SGPL1: variants seen among roughly 807,000 people sequenced by gnomAD.
SGPL1 encodes the protein SP-lyase 1.
SGPL1 carries 37 observed loss-of-function variants against 68.9 expected under a neutral mutation model. The ratio of observed to expected loss-of-function variants is 0.54; its 90% CI spans 0.41 to 0.71. The LOEUF (loss-of-function observed/expected upper bound fraction) is 0.71, where lower values mean the gene tolerates loss of function less well. Ranked by LOEUF, SGPL1 falls within the 30% of genes least tolerant of loss-of-function variation. The probability of loss-of-function intolerance (pLI) is 0.00; values close to 1 mark genes in which losing one functional copy is unlikely to be tolerated. For missense variants in SGPL1, 551 were observed against 704.6 expected, an observed-to-expected ratio of 0.78 and a Z score of 2.47; for synonymous variants, 236 against 248.5, an observed-to-expected ratio of 0.95 and a Z score of 0.47.
intron 4 of SGPL1, 148 bp downstream of exon 4, chr10:70,851,358 G>A (rs766621717): frequency 2.1e-4 from 146 of 681,734 alleles, no homozygotes; most frequent in Non-Finnish European, 3.5e-4. Context: ...AGACATTTTT[G>A]GTGGTCACAG....
chr10:70,834,135 TAAAAG>T (rs1845588460), intron 2 of SGPL1, among the ~76,000 whole-genome samples: 2 of 152,094 alleles, frequency 1.3e-5, no homozygotes, highest in Non-Finnish European at 2.9e-5. Flanking sequence ...CATCTTTTAA[TAAAAG>T]AAAAGGATGG....
chr10:70,870,575 G>A (rs1160748901), intron 9 of SGPL1, among the ~76,000 whole-genome samples: 1 of 152,002 alleles, frequency 6.6e-6, no homozygotes, highest in Non-Finnish European at 1.5e-5. Flanking sequence ...CATTATGATA[G>A]TGATTATTTT....
intron 5 of SGPL1, among the ~76,000 whole-genome samples, chr10:70,856,918 T>C (rs1037967664): frequency 2.6e-5 from 4 of 152,244 alleles, no homozygotes; most frequent in Admixed American, 6.5e-5. Context: ...TCTTATATTC[T>C]ACTCAGGAAC....
At chr10:70,861,727 C>T (rs977015890) in intron 7 of SGPL1, among the ~76,000 whole-genome samples, 12 of 152,198 alleles carry the variant, frequency 7.9e-5, no homozygotes, top group South Asian at 2.1e-4. Flanking sequence ...TGGCGGGCCC[C>T]GCACTCGGAG....
chr10:70,859,430 C>G lies in SGPL1; in HGVS notation c.546C>G (p.Arg182=). The G allele has an allele frequency of 1.3e-6, 2 of 1,571,028 alleles. No homozygotes were observed. The highest frequency in any genetic ancestry group is 1.7e-6 in the Non-Finnish European group (2 of 1,158,838). ...ATCCAGATATCTTCCCAGGACTACG[C>G]AAGATAGAGGCAGAAATCGTGAGGA... ...PLHPDIFPGL[R]KIEAEIVRIA... is the part of the protein sequence containing the mutation. Residue 182 remains arginine, a synonymous_variant, in exon 7 of 15, where the codon CGC becomes CGG. Coordinates refer to ENST00000373202, the MANE Select transcript of SGPL1 (RefSeq NM_003901.4).
chr10:70,848,429 C>A (rs1323154384), intron 3 of SGPL1, among the ~76,000 whole-genome samples: 1 of 140,310 alleles, frequency 7.1e-6, no homozygotes, highest in Non-Finnish European at 1.5e-5. Flanking sequence ...ATGGCTCAAT[C>A]AAACTAACGT....
In SGPL1 at chr10:70,876,592, A is replaced by G. The variant is rs139032932; in HGVS notation, c.1497A>G (p.Gln499=). ...LLHARKRVAI[Q]FLKDIRESVT... is the part of the protein sequence containing the mutation. ...ACGCCCGGAAACGAGTAGCTATACA[A>G]TTCCTAAAGGACATTCGAGAATCTG... is the stretch of plus-strand genomic sequence containing the variant. The change falls in exon 14 of 15, where the codon CAA becomes CAG. Residue 499 remains glutamine, a synonymous_variant. Transcript: ENST00000373202. 6.9e-5 allele frequency: 111 copies of G among 1,613,196 alleles called. 2 individuals carry two copies. In the African/African-American group the frequency reaches 1.2e-3, roughly 17 times the overall value.
intron 9 of SGPL1, among the ~76,000 whole-genome samples, chr10:70,870,220 G>A (rs953125822): frequency 6.6e-6 from 1 of 151,982 alleles, no homozygotes; most frequent in Non-Finnish European, 1.5e-5. Flanking sequence ...ACCATGGCCC[G>A]GGCATGGTGG....
intron 8 of SGPL1, among the ~76,000 whole-genome samples, chr10:70,869,577 A>G (rs1846251825): frequency 6.6e-6 from 1 of 152,120 alleles, no homozygotes; most frequent in Admixed American, 6.5e-5. Context: ...CTATTGCCAG[A>G]ATGATTTCCT....
intron 11 of SGPL1, 89 bp downstream of exon 11, chr10:70,872,075 A>C (rs1846307903): frequency 7.7e-7 from 1 of 1,296,642 alleles, no homozygotes; most frequent in Non-Finnish European, 1.1e-6. Flanking sequence ...CAAAGTATAA[A>C]ATTAACTATA....
chr10:70,862,643 G>GT (rs999047220), intron 7 of SGPL1, among the ~76,000 whole-genome samples: 1 of 152,138 alleles, frequency 6.6e-6, no homozygotes, highest in Non-Finnish European at 1.5e-5. Flanking sequence ...CCTGAAGCCA[G>GT]TGAGACCACG....
In SGPL1 at chr10:70,880,264, A is replaced by G. The variant is rs1391671737; in HGVS notation, c.*2929A>G. On this transcript the variant is annotated 3_prime_UTR_variant, in exon 15 of 15. Coordinates refer to ENST00000373202, the MANE Select transcript of SGPL1 (RefSeq NM_003901.4). ...ACTGATACCAAGACCAATGAAAGAGACACAGTTAAGCAGCAATCCATCTCA... is the reference window on the plus strand; with the variant it reads ...ACTGATACCAAGACCAATGAAAGAGGCACAGTTAAGCAGCAATCCATCTCA... 2 of 152,220 alleles carry G rather than the reference A, an allele frequency of 1.3e-5. No individual in the cohort carries two copies. The highest frequency in any genetic ancestry group is 6.5e-5 in the Admixed American group (1 of 15,290). 9.4% of individuals were successfully genotyped at this position (152,220 alleles called of 1,614,324 possible).
intron 7 of SGPL1, among the ~76,000 whole-genome samples, chr10:70,859,899 C>T (rs1208866685): frequency 1.3e-5 from 2 of 152,192 alleles, no homozygotes; most frequent in African/African-American, 2.4e-5. Flanking sequence ...CTTTCCCTCC[C>T]TACCCGCTTC....
intron 7 of SGPL1, among the ~76,000 whole-genome samples, chr10:70,863,834 A>G (rs1846128200): frequency 6.6e-6 from 1 of 152,196 alleles, no homozygotes; most frequent in Non-Finnish European, 1.5e-5. Context: ...TGTACACTGT[A>G]GAGTGTGGTC....
At chr10:70,874,975 C>T (rs1846359737) in intron 12 of SGPL1, among the ~76,000 whole-genome samples, 1 of 152,110 alleles carries the variant, frequency 6.6e-6, no homozygotes, top group African/African-American at 2.4e-5. Context: ...CTGATAGGGC[C>T]ATTTATTAAG....
At chr10:70,854,974 C>T (rs911706455) in intron 5 of SGPL1, 119 bp downstream of exon 5, 1 of 813,098 alleles carries the variant, frequency 1.2e-6, no homozygotes, top group African/African-American at 1.8e-5. Context: ...TTAGGAGGGC[C>T]TACTCTCTGT....
At chr10:70,829,563 G>C (rs1845497339) in intron 2 of SGPL1, among the ~76,000 whole-genome samples, 1 of 152,118 alleles carries the variant, frequency 6.6e-6, no homozygotes, top group South Asian at 2.1e-4. Context: ...CCTGTGAGTG[G>C]ACGATGGTAT....
At position 70,871,098 on chromosome 10, in the gene SGPL1, C is replaced by T; in HGVS notation, c.861C>T (p.Thr287=). 7 of 1,614,006 alleles carry T rather than the reference C, an allele frequency of 4.3e-6. No homozygotes were observed. The highest frequency in any genetic ancestry group is 5.9e-6 in the Non-Finnish European group (7 of 1,179,900). The part of the protein sequence containing the change: ...SRNTAMLVCS[T]PQFPHGVIDP... ...ACACTGCCATGCTCGTCTGTTCTAC[C>T]CCACAGTTTCCTCATGGTGTAATAG... Residue 287 remains threonine, a synonymous_variant, in exon 10 of 15, where the codon ACC becomes ACT. Transcript: ENST00000373202.
chr10:70,848,302 G>A (rs1206652385), intron 3 of SGPL1, among the ~76,000 whole-genome samples: 1 of 151,954 alleles, frequency 6.6e-6, no homozygotes, highest in East Asian at 1.9e-4. Context: ...ACCATGCATT[G>A]TTCTTACACT....
Sources: gnomAD v4.1 joint callset for allele counts (sites outside exome capture counted in the v4.1 genomes callset) on GRCh38, gnomAD v4.1.1 for gene constraint, MANE v1.5 for transcripts, NCBI Gene and HGNC (gene_info 2026-07-23, HGNC 2026-07-21) for gene names.